Variants in SYT14 observed in about 807,000 individuals in gnomAD.
SYT14 encodes synaptotagmin 14.
SYT14 carries 32 observed loss-of-function variants against 74.2 expected under a neutral mutation model. That is an observed-to-expected ratio of 0.43 (90% CI 0.33 to 0.58). The LOEUF is 0.58. Among genes scored for constraint, SYT14 ranks in the 20% least tolerant of loss-of-function variants. The pLI, the probability that SYT14 is intolerant of heterozygous loss-of-function variation, is 0.05. For synonymous variants in SYT14, 298 were observed against 337.7 expected, an observed-to-expected ratio of 0.88 and a Z score of 1.29; for missense variants, 791 against 981.8, an observed-to-expected ratio of 0.81 and a Z score of 2.60.
At chr1:209,983,846 C>T (rs1392775759) in intron 2 of SYT14, among the ~76,000 whole-genome samples, 1 of 152,172 alleles carries the variant, frequency 6.6e-6, no homozygotes, top group African/African-American at 2.4e-5. Flanking sequence ...ATGAGATTGT[C>T]CTACTCCTCA....
chr1:210,054,878 A>G (rs975512920), intron 5 of SYT14, among the ~76,000 whole-genome samples: 1 of 152,134 alleles, frequency 6.6e-6, no homozygotes, highest in South Asian at 2.1e-4. Flanking sequence ...CTGTTTTCAG[A>G]GGGGGAGTGC....
chr1:210,164,697 T>G (rs2083437520), exon 10 of SYT14: 1 of 152,166 alleles, frequency 6.6e-6, no homozygotes, highest in South Asian at 2.1e-4. Context: ...CAAATTCATT[T>G]GCGTAAAATT....
exon 4 of SYT14, chr1:210,016,078 A>G (rs1382899904): frequency 8.1e-7 from 1 of 1,231,992 alleles, no homozygotes; most frequent in African/African-American, 1.6e-5. Context: ...GTAGTGCTGT[A>G]GAGGATTTGA....
chr1:210,030,050 C>A (rs566352309), intron 5 of SYT14, among the ~76,000 whole-genome samples: 1 of 151,990 alleles, frequency 6.6e-6, no homozygotes, highest in Non-Finnish European at 1.5e-5. Flanking sequence ...TCAGATTGTT[C>A]ATTATTAGTG....
chr1:209,953,403 G>T (rs768717953), intron 2 of SYT14: 108 of 506,646 alleles, frequency 2.1e-4, no homozygotes, highest in Non-Finnish European at 3.3e-4. Flanking sequence ...TCCTGGGGAG[G>T]TCAGGGGAAG....
intron 7 of SYT14, among the ~76,000 whole-genome samples, chr1:210,131,733 T>C (rs2082678585): frequency 6.6e-6 from 1 of 152,212 alleles, no homozygotes; most frequent in South Asian, 2.1e-4. Flanking sequence ...GCTTCTGTTA[T>C]CCTTAATGTA....
intron 5 of SYT14, among the ~76,000 whole-genome samples, chr1:210,079,626 A>G (rs1219497040): frequency 6.6e-6 from 1 of 152,224 alleles, no homozygotes; most frequent in Non-Finnish European, 1.5e-5. Flanking sequence ...ATGAAGGAGT[A>G]GCTGCTAAAG....
intron 5 of SYT14, among the ~76,000 whole-genome samples, chr1:210,022,255 A>T (rs780994908): frequency 8.5e-5 from 13 of 152,226 alleles, no homozygotes; most frequent in Non-Finnish European, 1.5e-4. Context: ...GCTTCATGCC[A>T]ACTAAAGATT....
Position 210,059,441 on chromosome 1 carries a change from T to G in SYT14, c.1313-34881T>G, listed in dbSNP as rs1376061884. Reference sequence around the variant, plus strand: ...TGACAAGAAAGAATATATATATATATATATATATATAGAGAGAGAGAGAGA... The same window carrying G: ...TGACAAGAAAGAATATATATATATAGATATATATATAGAGAGAGAGAGAGA... On this transcript the variant is annotated intron_variant, in intron 5 of 9. Transcript: ENST00000637265. Among the ~76,000 whole-genome samples, 280 of 92,946 alleles carry G rather than the reference T, an allele frequency of 3.0e-3. 2 individuals carry two copies. Among genetic ancestry groups the G allele is most frequent in the East Asian group, 4.8e-3 (17 of 3,578 alleles). 61.0% of individuals were successfully genotyped at this position (92,946 alleles called of 152,430 possible).
At chr1:210,019,345 G>A (rs2080256648) in intron 4 of SYT14, among the ~76,000 whole-genome samples, 1 of 151,910 alleles carries the variant, frequency 6.6e-6, no homozygotes, top group Non-Finnish European at 1.5e-5. Flanking sequence ...TCTTAGGCTC[G>A]GCCATCTCAT....
intron 5 of SYT14, among the ~76,000 whole-genome samples, chr1:210,063,021 GT>G (rs11444158): frequency 0.045 from 6,302 of 141,024 alleles, 332 homozygotes; most frequent in African/African-American, 0.13. Flanking sequence ...ATTTTTTCTA[GT>G]TTTTTTTTTT....
At chr1:210,094,201 T>G in intron 5 of SYT14, 121 bp from the exon 5 acceptor site, 5 of 1,322,650 alleles carry the variant, frequency 3.8e-6, no homozygotes, top group Non-Finnish European at 5.3e-6. Flanking sequence ...TTAGTAAATC[T>G]AATAGTTATG....
intron 7 of SYT14, among the ~76,000 whole-genome samples, chr1:210,152,689 A>T (rs2083189503): frequency 6.6e-6 from 1 of 152,190 alleles, no homozygotes; most frequent in African/African-American, 2.4e-5. Context: ...CACTAACCCC[A>T]GAAACTCCCA....
At position 209,942,584 on chromosome 1, in the gene SYT14, T is replaced by C. The variant is rs541361352; in HGVS notation, c.-534+4307T>C. ...TCGCTCATTAAGAGACTTGCATTAA[T>C]TTCCTAAGTAGTCTCATTTCCAGTG... On this transcript the variant is annotated intron_variant, in intron 1 of 9. Coordinates refer to ENST00000637265, the Ensembl canonical transcript of SYT14. Among the ~76,000 whole-genome samples the C allele has an allele frequency of 1.5e-4, 23 of 152,336 alleles. 2 individuals are homozygous for C. In the South Asian group the frequency reaches 4.8e-3, roughly 32 times the overall value.
intron 7 of SYT14, among the ~76,000 whole-genome samples, chr1:210,122,682 T>TG (rs940364733): frequency 6.6e-6 from 1 of 151,962 alleles, no homozygotes; most frequent in African/African-American, 2.4e-5. Context: ...ACAGACCACA[T>TG]GCCACATTCA....
At chr1:210,083,800 GCACAAGCTGTCAGTC>G (rs1311966590) in intron 5 of SYT14, among the ~76,000 whole-genome samples, 1 of 133,968 alleles carries the variant, frequency 7.5e-6, no homozygotes, top group African/African-American at 2.5e-5. Flanking sequence ...GAACTCCTGG[GCACAAGCTGTCAGTC>G]CACCTTGGCC....
chr1:210,058,045 T>G (rs1192886399), intron 5 of SYT14, among the ~76,000 whole-genome samples: 1 of 152,208 alleles, frequency 6.6e-6, no homozygotes, highest in Non-Finnish European at 1.5e-5. Context: ...TTAATTGTGT[T>G]TGTATCAGGA....
chr1:210,045,769 C>T (rs967603407), intron 5 of SYT14, among the ~76,000 whole-genome samples: 4 of 152,010 alleles, frequency 2.6e-5, no homozygotes, highest in African/African-American at 9.7e-5. Context: ...TTAAAACAAA[C>T]TATTTTTAAG....
exon 10 of SYT14, chr1:210,169,558 A>G (rs2083500365): frequency 6.6e-6 from 1 of 151,928 alleles, no homozygotes; most frequent in Non-Finnish European, 1.5e-5. Flanking sequence ...TTATAAAATT[A>G]ATTGATTTAT....
Sources: allele counts gnomAD v4.1 joint callset (sites outside exome capture counted in the v4.1 genomes callset), GRCh38; gene constraint gnomAD v4.1.1; transcripts MANE v1.5; gene names NCBI Gene and HGNC (gene_info 2026-07-23, HGNC 2026-07-21).